CDH12: variants seen among roughly 807,000 people sequenced by gnomAD.
The protein encoded by CDH12 is cadherin-12.
In CDH12, 41 loss-of-function variants were observed where a neutral mutation model predicts 74.1. The observed-to-expected ratio is 0.55, with a 90% CI of 0.43 to 0.72. CDH12 has a LOEUF of 0.72. Ranked by LOEUF, CDH12 falls within the 30% of genes least tolerant of loss-of-function variation. The pLI is 0.00. For synonymous variants in CDH12, 399 were observed against 355.0 expected (o/e 1.12, Z -1.39); for missense variants, 945 against 977.2 (o/e 0.97, Z 0.44).
intron 1 of CDH12, among the ~76,000 whole-genome samples, chr5:22,734,443 G>A (rs1012915479): frequency 6.6e-6 from 1 of 151,836 alleles, no homozygotes; most frequent in Non-Finnish European, 1.5e-5. Flanking sequence ...GAAAGAAAAT[G>A]AAACTAAATA....
intron 7 of CDH12, among the ~76,000 whole-genome samples, chr5:21,849,527 T>C (rs959113431): frequency 1.3e-5 from 2 of 151,828 alleles, no homozygotes; most frequent in Admixed American, 6.6e-5. Flanking sequence ...TCTTTCCTTA[T>C]ATTTATTAGC....
rs1742174659 is a variant in CDH12, at chr5:22,693,198, A to G, written c.-523+159860T>C. 2.6e-5 allele frequency among the ~76,000 whole-genome samples: 4 copies of G among 152,160 alleles called. No individual in the cohort carries two copies. In the South Asian group the frequency reaches 8.3e-4, roughly 32 times the overall value. On this transcript the variant is annotated intron_variant, in intron 1 of 14. Coordinates refer to ENST00000382254, the MANE Select transcript of CDH12 (RefSeq NM_004061.5). ...TTTGCACTACCTCTGAACATGTCTTATGACGGTTCTATTTAATTGGCAAGG... is the reference window on the plus strand; with the variant it reads ...TTTGCACTACCTCTGAACATGTCTTGTGACGGTTCTATTTAATTGGCAAGG...
chr5:22,313,468 C>A (rs1292264736), intron 3 of CDH12, among the ~76,000 whole-genome samples: 3 of 152,172 alleles, frequency 2.0e-5, no homozygotes, highest in Non-Finnish European at 4.4e-5. Flanking sequence ...GGGTGACCAA[C>A]TTATTCTGGT....
At chr5:22,802,858 T>C (rs1483968928) in intron 1 of CDH12, among the ~76,000 whole-genome samples, 1 of 152,200 alleles carries the variant, frequency 6.6e-6, no homozygotes, top group Non-Finnish European at 1.5e-5. Flanking sequence ...TGGAAATATA[T>C]ACACGTTTAA....
intron 1 of CDH12, among the ~76,000 whole-genome samples, chr5:22,812,542 C>T (rs950208001): frequency 6.6e-6 from 1 of 152,106 alleles, no homozygotes; most frequent in Non-Finnish European, 1.5e-5. Context: ...ACCTGTGAAG[C>T]TGGCCCTGAC....
intron 5 of CDH12, among the ~76,000 whole-genome samples, chr5:22,016,649 G>C (rs1488029950): frequency 6.6e-6 from 1 of 152,016 alleles, no homozygotes; most frequent in African/African-American, 2.4e-5. Flanking sequence ...GCCTCCCAAA[G>C]TGCTGGGATT....
At chr5:22,032,045 A>G (rs1738855001) in intron 5 of CDH12, among the ~76,000 whole-genome samples, 2 of 152,010 alleles carry the variant, frequency 1.3e-5, no homozygotes, top group Admixed American at 1.3e-4. Context: ...CAATATCTGC[A>G]AAGCTCAATA....
chr5:21,999,515 C>T (rs1406460574), intron 5 of CDH12, among the ~76,000 whole-genome samples: 1 of 152,158 alleles, frequency 6.6e-6, no homozygotes, highest in Non-Finnish European at 1.5e-5. Context: ...CTGCAGCAGC[C>T]TGAAACATAT....
At chr5:22,564,501 G>A (rs1477497791) in intron 1 of CDH12, among the ~76,000 whole-genome samples, 1 of 152,050 alleles carries the variant, frequency 6.6e-6, no homozygotes, top group East Asian at 1.9e-4. Flanking sequence ...TATCTGATTT[G>A]TAATAATTGT....
chr5:22,687,139 C>T (rs1329046696), intron 1 of CDH12, among the ~76,000 whole-genome samples: 2 of 151,782 alleles, frequency 1.3e-5, no homozygotes, highest in Admixed American at 1.3e-4. Flanking sequence ...ACTAAAAATA[C>T]AAAAATTAGC....
At chr5:22,526,480 A>T (rs1737286366) in intron 1 of CDH12, among the ~76,000 whole-genome samples, 1 of 152,300 alleles carries the variant, frequency 6.6e-6, no homozygotes, top group South Asian at 2.1e-4. Context: ...AGTGGTCCTT[A>T]TTGATGGGTG....
chr5:21,855,717 C>T (rs1750722982), intron 6 of CDH12, among the ~76,000 whole-genome samples: 1 of 151,580 alleles, frequency 6.6e-6, no homozygotes, highest in Non-Finnish European at 1.5e-5. Flanking sequence ...CTCCCTTAAT[C>T]TGCTGGAGGC....
At chr5:22,665,675 T>C (rs1740578504) in intron 1 of CDH12, among the ~76,000 whole-genome samples, 1 of 152,218 alleles carries the variant, frequency 6.6e-6, no homozygotes, top group African/African-American at 2.4e-5. Flanking sequence ...CTTCTTCACA[T>C]GAAGGCAACT....
chr5:21,902,012 A>T (rs904136231), intron 6 of CDH12, among the ~76,000 whole-genome samples: 1 of 152,142 alleles, frequency 6.6e-6, no homozygotes, highest in African/African-American at 2.4e-5. Flanking sequence ...CTGCTCACTT[A>T]GGAAACATTG....
intron 2 of CDH12, among the ~76,000 whole-genome samples, chr5:22,407,821 G>A (rs574190928): frequency 6.6e-5 from 10 of 151,870 alleles, no homozygotes; most frequent in East Asian, 5.8e-4. Flanking sequence ...TCCTTTCTTC[G>A]GTAAACCTTC....
At chr5:22,624,640 C>A (rs1372920468) in intron 1 of CDH12, among the ~76,000 whole-genome samples, 2 of 152,076 alleles carry the variant, frequency 1.3e-5, no homozygotes, top group Non-Finnish European at 2.9e-5. Flanking sequence ...GAATGGCGAT[C>A]ATTAAAAAGT....
intron 1 of CDH12, among the ~76,000 whole-genome samples, chr5:22,623,547 G>C (rs945736511): frequency 6.6e-6 from 1 of 152,124 alleles, no homozygotes; most frequent in Non-Finnish European, 1.5e-5. Context: ...CAAATCATGA[G>C]TGAACTCCCA....
chr5:22,399,054 T>C (rs2126441664), intron 3 of CDH12, among the ~76,000 whole-genome samples: 1 of 152,210 alleles, frequency 6.6e-6, no homozygotes, highest in Non-Finnish European at 1.5e-5. Flanking sequence ...GGTGTGTTCT[T>C]GATAATCTCT....
chr5:22,620,862 A>G (rs985622441), intron 1 of CDH12, among the ~76,000 whole-genome samples: 4 of 152,214 alleles, frequency 2.6e-5, no homozygotes, highest in African/African-American at 4.8e-5. Context: ...TCTAGGTGAT[A>G]AAATTTGTAA....
Sources: gnomAD v4.1 joint callset for allele counts (sites outside exome capture counted in the v4.1 genomes callset) on GRCh38, gnomAD v4.1.1 for gene constraint, MANE v1.5 for transcripts, NCBI Gene and HGNC (gene_info 2026-07-23, HGNC 2026-07-21) for gene names.